The following EPHB3 variants were observed in gnomAD, a reference collection of about 807,000 sequenced individuals.
The protein encoded by EPHB3 is EPH receptor B3.
In EPHB3, 33 loss-of-function variants were observed where a neutral mutation model predicts 100.2. The observed-to-expected ratio is 0.33, with a 90% CI of 0.25 to 0.44. EPHB3 has a LOEUF of 0.44. Among genes scored for constraint, EPHB3 ranks in the 20% least tolerant of loss-of-function variants. EPHB3 has a pLI of 1.00. For synonymous variants in EPHB3, 526 were observed against 554.7 expected, an observed-to-expected ratio of 0.95 and a Z score of 0.73; for missense variants, 1,045 against 1,378.3, an observed-to-expected ratio of 0.76 and a Z score of 3.83.
Position 184,562,922 on chromosome 3 carries a change from G to C in EPHB3, c.118+569G>C, listed in dbSNP as rs12490206. 0.37 allele frequency among the ~76,000 whole-genome samples: 56,341 copies of C among 152,128 alleles called. 10,634 individuals are homozygous for C. Among genetic ancestry groups the C allele is most frequent in the African/African-American group, 0.38 (15,957 of 41,500 alleles). ...CCAATTACACCCGAGGTGCTGTATG[G>C]GCGGGCCCCCGCACCCTTTGTGGAG... On this transcript the variant is annotated intron_variant, in intron 1 of 15. Coordinates refer to ENST00000330394, the MANE Select transcript of EPHB3 (RefSeq NM_004443.4). The surrounding 1 kb of genome is among the most constrained non-coding windows in gnomAD (Gnocchi z 4.8).
Position 184,573,204 on chromosome 3 carries a change from GT to G in EPHB3, c.856+30del. On this transcript the variant is annotated intron_variant, in intron 3 of 15. Coordinates refer to ENST00000330394, the MANE Select transcript of EPHB3 (RefSeq NM_004443.4). The surrounding 1 kb of genome is among the most constrained non-coding windows in gnomAD (Gnocchi z 4.5). ...GAGTGGGGACTGTCCTGGGGAAAGG[GT>G]TGTCGGGAGGGCCTGGGCCACAGCT... is the stretch of plus-strand genomic sequence containing the variant. 6.2e-7 allele frequency: 1 copy of G among 1,606,310 alleles called. No individual in the cohort carries two copies. The highest frequency in any genetic ancestry group is 8.5e-7 in the Non-Finnish European group (1 of 1,179,784).
At chr3:184,567,518 G>A (rs1030051748) in intron 1 of EPHB3, among the ~76,000 whole-genome samples, 41 of 145,568 alleles carry the variant, frequency 2.8e-4, no homozygotes, top group African/African-American at 4.1e-4. Context: ...TGTGTGTTGC[G>A]GGTGCATGGA....
chr3:184,577,650 C>A lies in EPHB3; in HGVS notation c.1480-8C>A. ...CCTGAGGGTGCCCCCTCTCTCCTGG[C>A]ATTGCAGAGCGAGGGCATCGCCTCC... On this transcript the variant is annotated splice_region_variant and splice_polypyrimidine_tract_variant and intron_variant, in intron 6 of 15. Transcript: ENST00000330394. This position sits in a 1 kb window ranked among gnomAD's most constrained non-coding sequence, Gnocchi z 4.9. 6.3e-7 allele frequency: 1 copy of A among 1,586,932 alleles called. No individual in the cohort carries two copies. Among genetic ancestry groups the A allele is most frequent in the South Asian group, 1.1e-5 (1 of 87,806 alleles).
At chr3:184,570,321 T>C (rs1478101018) in intron 1 of EPHB3, among the ~76,000 whole-genome samples, 7 of 152,206 alleles carry the variant, frequency 4.6e-5, no homozygotes, top group Non-Finnish European at 7.3e-5. Flanking sequence ...GGATTAATTA[T>C]AGAGTCAGAT....
In EPHB3 at chr3:184,578,124, C is replaced by G. The variant is rs1336094378; in HGVS notation, c.1748+118C>G. ...TTCCCTCAGACCCAGGGCCTTAGCC[C>G]TCCTGGGGCCAGCCGTTGCTGGAGA... On this transcript the variant is annotated intron_variant, in intron 8 of 15. Coordinates refer to ENST00000330394, the MANE Select transcript of EPHB3 (RefSeq NM_004443.4). The surrounding 1 kb of genome is among the most constrained non-coding windows in gnomAD (Gnocchi z 4.7). 1 of 1,178,864 alleles carries G rather than the reference C, an allele frequency of 8.5e-7. No individual in the cohort carries two copies. Among genetic ancestry groups the G allele is most frequent in the Non-Finnish European group, 1.2e-6 (1 of 849,458 alleles). The allele number at this position is 1,178,864 out of a possible 1,614,324, so 73.0% of individuals were successfully genotyped here.
intron 1 of EPHB3, among the ~76,000 whole-genome samples, chr3:184,566,050 G>T (rs957107093): frequency 3.3e-5 from 5 of 152,238 alleles, no homozygotes; most frequent in African/African-American, 1.2e-4. Context: ...GGTGGAGGGA[G>T]ACTGGATACA....
chr3:184,578,103 C>A lies in EPHB3; in HGVS notation c.1748+97C>A. The A allele has an allele frequency of 1.5e-6, 2 of 1,368,422 alleles. No homozygotes were observed. Among genetic ancestry groups the A allele is most frequent in the East Asian group, 2.4e-5 (1 of 41,662 alleles). The allele number at this position is 1,368,422 out of a possible 1,614,324, so 84.8% of individuals were successfully genotyped here. On this transcript the variant is annotated intron_variant, in intron 8 of 15. Transcript: ENST00000330394. This position sits in a 1 kb window ranked among gnomAD's most constrained non-coding sequence, Gnocchi z 4.7. ...ACAGAGATGAGCCGCCACCACTTCC[C>A]TCAGACCCAGGGCCTTAGCCCTCCT...
At chr3:184,574,954 C>A (rs1714636758) in intron 3 of EPHB3, among the ~76,000 whole-genome samples, 1 of 152,230 alleles carries the variant, frequency 6.6e-6, no homozygotes, top group African/African-American at 2.4e-5. Flanking sequence ...CTATGGGTGT[C>A]CCCCTCCACA....
chr3:184,574,347 C>T (rs1365333423), intron 3 of EPHB3, among the ~76,000 whole-genome samples: 1 of 152,210 alleles, frequency 6.6e-6, no homozygotes, highest in Non-Finnish European at 1.5e-5. Flanking sequence ...TGAGCCTCAC[C>T]AGTCCTTGTG....
rs918436226 is a variant in EPHB3 at position 184,579,092 on chromosome 3, T to C, written c.1802-385T>C. Among the ~76,000 whole-genome samples, 7 of 152,038 alleles carry C rather than the reference T, an allele frequency of 4.6e-5. No homozygotes were observed. The highest frequency in any genetic ancestry group is 7.4e-5 in the Non-Finnish European group (5 of 68,006). ...GAAAGGCTCTCAAGCTGGGGAGTAA[T>C]ACAATGAAAGGATTGTTTTAGGAAG... On this transcript the variant is annotated intron_variant, in intron 9 of 15. Transcript: ENST00000330394. The surrounding 1 kb of genome is among the most constrained non-coding windows in gnomAD (Gnocchi z 5.2).
intron 1 of EPHB3, among the ~76,000 whole-genome samples, chr3:184,568,270 C>T (rs1473848020): frequency 2.6e-5 from 4 of 152,196 alleles, no homozygotes; most frequent in African/African-American, 9.7e-5. Context: ...GACTACCTCC[C>T]TGGTGACTTT....
rs1714758906 is a variant in EPHB3 at position 184,579,221 on chromosome 3, G to C, written c.1802-256G>C. On this transcript the variant is annotated intron_variant, in intron 9 of 15. Transcript: ENST00000330394. This position sits in a 1 kb window ranked among gnomAD's most constrained non-coding sequence, Gnocchi z 5.2. ...GTGTTGAAGGCCTGGACAAGGTCGG[G>C]GCAGTGGGAACCAGGGGAGGCATGA... Among the ~76,000 whole-genome samples, 1 of 152,168 alleles carries C rather than the reference G, an allele frequency of 6.6e-6. No individual in the cohort carries two copies. The highest frequency in any genetic ancestry group is 2.1e-4 in the South Asian group (1 of 4,832).
chr3:184,581,770 G>A lies in EPHB3; in HGVS notation c.*148G>A. On this transcript the variant is annotated 3_prime_UTR_variant, in exon 16 of 16. Transcript: ENST00000330394. ...AAAGGCCCAAGCTGGGACTTCTCCA[G>A]GCCTGTGTTCCCTCCCCAGGAAGTG... 1.3e-6 allele frequency: 1 copy of A among 756,952 alleles called. No individual in the cohort carries two copies. Among genetic ancestry groups the A allele is most frequent in the South Asian group, 1.9e-5 (1 of 52,324 alleles). The allele number at this position is 756,952 out of a possible 1,614,324, so 46.9% of individuals were successfully genotyped here. A position where few individuals can be genotyped will look rare whatever the true frequency, so the allele number is the denominator to read the frequency against.
chr3:184,564,463 C>G (rs761353317), intron 1 of EPHB3, among the ~76,000 whole-genome samples: 1 of 152,222 alleles, frequency 6.6e-6, no homozygotes, highest in African/African-American at 2.4e-5. Flanking sequence ...GGAACCGCAC[C>G]GACCTCGCAG....
Position 184,573,276 on chromosome 3 carries a change from G to A in EPHB3, c.856+100G>A. The stretch of plus-strand genomic sequence containing the variant: ...CCCCTGCTTGCTATCTGACTAGGAG[G>A]TCTGGGAGCAGGTCCACAGTGGAGG... On this transcript the variant is annotated intron_variant, in intron 3 of 15. Transcript: ENST00000330394. This position sits in a 1 kb window ranked among gnomAD's most constrained non-coding sequence, Gnocchi z 4.5. 5 of 1,488,422 alleles carry A rather than the reference G, an allele frequency of 3.4e-6. No homozygotes were observed. Among genetic ancestry groups the A allele is most frequent in the Non-Finnish European group, 4.5e-6 (5 of 1,103,858 alleles). 92.2% of individuals were successfully genotyped at this position (1,488,422 alleles called of 1,614,324 possible). A position where few individuals can be genotyped will look rare whatever the true frequency, so the allele number is the denominator to read the frequency against.
At chr3:184,580,053 G>C in intron 11 of EPHB3, 119 bp downstream of exon 11, 1 of 1,467,268 alleles carries the variant, frequency 6.8e-7, no homozygotes. Context: ...AGGTGGCTTG[G>C]TGCAGGGAAA....
chr3:184,568,226 A>G (rs553882128), intron 1 of EPHB3, among the ~76,000 whole-genome samples: 57 of 152,104 alleles, frequency 3.7e-4, no homozygotes, highest in Non-Finnish European at 7.4e-5. Flanking sequence ...CCTGAGCATC[A>G]AAGCTCCAGT....
In EPHB3 at chr3:184,581,409, G is replaced by C. The variant is rs1374001187; in HGVS notation, c.2888+1G>C. ...ACCTGGTGGCCCAGATGACGGCAGA[G>C]TAAGTGTGCCTCAGATTTGGAGGAG... On this transcript the variant is annotated splice_donor_variant, in intron 15 of 15. Coordinates refer to ENST00000330394, the MANE Select transcript of EPHB3 (RefSeq NM_004443.4). LOFTEE classifies it high-confidence loss of function. The C allele has an allele frequency of 6.3e-7, 1 of 1,584,220 alleles. No homozygotes were observed. Among genetic ancestry groups the C allele is most frequent in the Non-Finnish European group, 8.6e-7 (1 of 1,164,012 alleles).
intron 1 of EPHB3, among the ~76,000 whole-genome samples, chr3:184,567,480 G>GGTAT (rs1714416096): frequency 1.3e-5 from 2 of 148,564 alleles, no homozygotes; most frequent in Non-Finnish European, 3.0e-5. Flanking sequence ...ATGCTTGCAG[G>GGTAT]GTGTGTGTGT....
Sources: allele counts gnomAD v4.1 joint callset (sites outside exome capture counted in the v4.1 genomes callset), GRCh38; gene constraint gnomAD v4.1.1; non-coding constraint Gnocchi (gnomAD v3.1); transcripts MANE v1.5; gene names NCBI Gene and HGNC (gene_info 2026-07-23, HGNC 2026-07-21).